GRID2: variants seen among roughly 807,000 people sequenced by gnomAD.
GRID2 encodes glutamate ionotropic receptor delta type subunit 2, also known as glutamate receptor ionotropic, delta-2.
GRID2 carries 33 observed loss-of-function variants against 114.8 expected under a neutral mutation model. The observed-to-expected ratio is 0.29, with a 90% CI of 0.22 to 0.38. The LOEUF (loss-of-function observed/expected upper bound fraction) is 0.38. Among genes scored for constraint, GRID2 ranks in the 10% least tolerant of loss-of-function variants. The pLI, the probability that GRID2 is intolerant of heterozygous loss-of-function variation, is 1.00. For missense variants in GRID2, 1,184 were observed against 1,257.7 expected (o/e 0.94, Z 0.89); for synonymous variants, 505 against 449.9 (o/e 1.12, Z -1.55).
intron 10 of GRID2, among the ~76,000 whole-genome samples, chr4:93,450,547 A>C (rs1032201688): frequency 6.6e-6 from 1 of 151,810 alleles, no homozygotes. Flanking sequence ...ATTTTAGATT[A>C]AATTTAGAGT....
At chr4:92,857,248 T>C (rs1434839560) in intron 2 of GRID2, among the ~76,000 whole-genome samples, 2 of 152,142 alleles carry the variant, frequency 1.3e-5, no homozygotes, top group African/African-American at 4.8e-5. Flanking sequence ...GAGTCATACA[T>C]CTCTCACTTT....
At chr4:92,982,304 T>G (rs1404361906) in intron 2 of GRID2, among the ~76,000 whole-genome samples, 1 of 152,078 alleles carries the variant, frequency 6.6e-6, no homozygotes, top group Non-Finnish European at 1.5e-5. Context: ...ATATTACCAG[T>G]TGAATAGATG....
At chr4:92,328,201 A>G (rs1210101012) in intron 1 of GRID2, among the ~76,000 whole-genome samples, 5 of 152,004 alleles carry the variant, frequency 3.3e-5, no homozygotes. Context: ...CTCTGCTGGA[A>G]CAGGATAAGG....
intron 2 of GRID2, among the ~76,000 whole-genome samples, chr4:92,730,737 A>G (rs1469930063): frequency 1.3e-5 from 2 of 151,944 alleles, no homozygotes; most frequent in Non-Finnish European, 2.9e-5. Flanking sequence ...ATGTTTGTAT[A>G]ATACTGAGGT....
At chr4:92,876,283 T>TTTTA (rs34453618) in intron 2 of GRID2, among the ~76,000 whole-genome samples, 12,437 of 148,512 alleles carry the variant, frequency 0.084, 616 homozygotes, top group Non-Finnish European at 0.11. Flanking sequence ...TTTTTTATTA[T>TTTTA]TTTATTTATT....
chr4:92,585,566 CTTTTA>C (rs957348254), intron 1 of GRID2, among the ~76,000 whole-genome samples: 5 of 151,856 alleles, frequency 3.3e-5, no homozygotes, highest in African/African-American at 1.2e-4. Flanking sequence ...TATTTAGAGT[CTTTTA>C]TTTTAAACAC....
chr4:93,365,274 G>C (rs1762233055), intron 8 of GRID2, among the ~76,000 whole-genome samples: 1 of 152,010 alleles, frequency 6.6e-6, no homozygotes, highest in African/African-American at 2.4e-5. Context: ...CTTTATTTTT[G>C]TCAATAGTTA....
intron 4 of GRID2, among the ~76,000 whole-genome samples, chr4:93,185,040 TA>T (rs1383888051): frequency 1.3e-5 from 2 of 152,182 alleles, no homozygotes; most frequent in African/African-American, 2.4e-5. Flanking sequence ...TGAAAATGGT[TA>T]GGATTATTAG....
chr4:93,120,661 T>C (rs1046613942), intron 4 of GRID2, among the ~76,000 whole-genome samples: 1 of 151,970 alleles, frequency 6.6e-6, no homozygotes, highest in African/African-American at 2.4e-5. Flanking sequence ...GCTTAAAACA[T>C]AGATGATGGG....
intron 2 of GRID2, among the ~76,000 whole-genome samples, chr4:92,654,512 C>G (rs1432957714): frequency 6.6e-6 from 1 of 151,964 alleles, no homozygotes; most frequent in Non-Finnish European, 1.5e-5. Context: ...TGTAGAGGAG[C>G]AGTTTGAGCC....
chr4:92,652,873 TATATAAAA>T (rs1374718778), intron 2 of GRID2, among the ~76,000 whole-genome samples: 1 of 75,852 alleles, frequency 1.3e-5, no homozygotes, highest in South Asian at 4.3e-4. Context: ...TACATATAAA[TATATAAAA>T]ATATATTTAT....
At chr4:93,305,576 G>C (rs776145125) in intron 8 of GRID2, among the ~76,000 whole-genome samples, 3 of 152,134 alleles carry the variant, frequency 2.0e-5, no homozygotes, top group Non-Finnish European at 4.4e-5. Flanking sequence ...TTATGAAAAA[G>C]AGTTCCTAGA....
chr4:92,692,070 A>C (rs1377620121), intron 2 of GRID2, among the ~76,000 whole-genome samples: 1 of 152,192 alleles, frequency 6.6e-6, no homozygotes, highest in Non-Finnish European at 1.5e-5. Flanking sequence ...ACTGGTTACT[A>C]TTCCAATTTT....
intron 14 of GRID2, among the ~76,000 whole-genome samples, chr4:93,761,418 C>G (rs1733197728): frequency 6.6e-6 from 1 of 152,126 alleles, no homozygotes; most frequent in Non-Finnish European, 1.5e-5. Flanking sequence ...ATTCTGGCAG[C>G]TTGCCTGTTT....
At chr4:93,136,726 G>A (rs556074351) in intron 4 of GRID2, among the ~76,000 whole-genome samples, 32 of 152,188 alleles carry the variant, frequency 2.1e-4, no homozygotes, top group African/African-American at 7.2e-4. Flanking sequence ...TCTCTTTAAA[G>A]ATACTTTATT....
chr4:92,315,590 C>T lies in GRID2; in HGVS notation c.88+10846C>T, dbSNP rs559710399. Among the ~76,000 whole-genome samples the T allele has an allele frequency of 3.3e-5, 5 of 152,232 alleles. No individual in the cohort carries two copies. In the South Asian group the frequency reaches 1.0e-3, roughly 32 times the overall value. On this transcript the variant is annotated intron_variant, in intron 1 of 15. Coordinates refer to ENST00000282020, the MANE Select transcript of GRID2 (RefSeq NM_001510.4). ...AAGTGTTTACTATATATAACTTCAA[C>T]ATCATTAAAATGTCATGTCATTGAT...
At chr4:92,605,342 G>T (rs1729406387) in intron 2 of GRID2, among the ~76,000 whole-genome samples, 1 of 151,802 alleles carries the variant, frequency 6.6e-6, no homozygotes, top group African/African-American at 2.4e-5. Context: ...TTATTTGTAG[G>T]ATACTTCTTA....
chr4:92,470,195 G>A (rs1721965012), intron 1 of GRID2, among the ~76,000 whole-genome samples: 1 of 151,786 alleles, frequency 6.6e-6, no homozygotes, highest in Non-Finnish European at 1.5e-5. Flanking sequence ...CTCCATACTT[G>A]GGATCCTAAG....
chr4:92,485,059 T>G (rs1722797444), intron 1 of GRID2, among the ~76,000 whole-genome samples: 1 of 151,440 alleles, frequency 6.6e-6, no homozygotes, highest in Admixed American at 6.6e-5. Context: ...ATTTTGTTAT[T>G]GTTATTTTTA....
Sources: gnomAD v4.1 joint callset for allele counts (sites outside exome capture counted in the v4.1 genomes callset) on GRCh38, gnomAD v4.1.1 for gene constraint, MANE v1.5 for transcripts, NCBI Gene and HGNC (gene_info 2026-07-23, HGNC 2026-07-21) for gene names.